Variants in RUNX1T1 observed in about 807,000 individuals in gnomAD.
RUNX1T1 encodes protein CBFA2T1.
In RUNX1T1, 4 loss-of-function variants were observed where a neutral mutation model predicts 62.8. The observed-to-expected ratio is 0.06, with a 90% CI of 0.03 to 0.15. The LOEUF (loss-of-function observed/expected upper bound fraction) is 0.15. RUNX1T1 is among the 10% of genes least tolerant of loss of function. The pLI, the probability that RUNX1T1 is intolerant of heterozygous loss-of-function variation, is 1.00. For synonymous variants in RUNX1T1, 291 were observed against 286.0 expected, an observed-to-expected ratio of 1.02 and a Z score of -0.18; for missense variants, 508 against 754.3, an observed-to-expected ratio of 0.67 and a Z score of 3.82.
At chr8:91,991,952 A>C in intron 5 of RUNX1T1, 63 bp from the exon 7 acceptor site, 1 of 1,549,372 alleles carries the variant, frequency 6.5e-7, no homozygotes, top group South Asian at 1.1e-5. Context: ...CAGTTCAGTC[A>C]CTCATATTTG....
rs560994337 is a variant in RUNX1T1, at chr8:92,013,962, T to C, written c.387+617A>G. ...TGGAGATGGACAGTGGTGGTGGCTA[T>C]ACAGCAATGTGAATATACATAATGC... is the stretch of plus-strand genomic sequence containing the variant. On this transcript the variant is annotated intron_variant, in intron 3 of 10. Transcript: ENST00000396218. Among the ~76,000 whole-genome samples, 3 of 152,292 alleles carry C rather than the reference T, an allele frequency of 2.0e-5. No homozygotes were observed. The South Asian group carries it at 6.2e-4, about 32-fold the overall frequency.
exon 11 of RUNX1T1, chr8:91,959,488 GTATA>G (rs60438153): frequency 0.031 from 2,625 of 85,620 alleles, 32 homozygotes; most frequent in East Asian, 0.12. Context: ...GTGTGTGTGT[GTATA>G]TATATATATA....
At chr8:91,991,962 G>A (rs1817765966) in intron 5 of RUNX1T1, 73 bp from the exon 7 acceptor site, 1 of 1,505,376 alleles carries the variant, frequency 6.6e-7, no homozygotes, top group East Asian at 2.3e-5. Flanking sequence ...ACTCATATTT[G>A]AGCTTGGAAT....
intron 1 of RUNX1T1, among the ~76,000 whole-genome samples, chr8:92,098,233 AT>A (rs1837877361): frequency 6.6e-6 from 1 of 152,208 alleles, no homozygotes; most frequent in Admixed American, 6.5e-5. Flanking sequence ...TGTAATTCTT[AT>A]GTTAATTATG....
chr8:91,986,753 C>T lies in RUNX1T1; in HGVS notation c.996+134G>A, dbSNP rs1029964581. On this transcript the variant is annotated intron_variant, in intron 7 of 10. Coordinates refer to ENST00000396218, the Ensembl canonical transcript of RUNX1T1. Reference sequence around the variant, plus strand: ...TCCTATATTCTACTTCAGATATTCTCGCTCATTTTTTTTTCAAGGATAGCA... The same window carrying T: ...TCCTATATTCTACTTCAGATATTCTTGCTCATTTTTTTTTCAAGGATAGCA... 5.0e-4 allele frequency: 332 copies of T among 659,950 alleles called. 3 individuals are homozygous for T. The South Asian group carries it at 5.6e-3, about 11-fold the overall frequency. The allele number at this position is 659,950 out of a possible 1,614,324, so 40.9% of individuals were successfully genotyped here.
At chr8:91,975,485 G>GT (rs753923268) in intron 9 of RUNX1T1, among the ~76,000 whole-genome samples, 2,395 of 135,034 alleles carry the variant, frequency 0.018, 28 homozygotes, top group African/African-American at 0.037. Flanking sequence ...TGTTGGTTTC[G>GT]TTTTTTTTTT....
At chr8:91,963,609 G>A (rs970847534) in intron 10 of RUNX1T1, among the ~76,000 whole-genome samples, 5 of 152,124 alleles carry the variant, frequency 3.3e-5, no homozygotes, top group Non-Finnish European at 5.9e-5. Context: ...TGGAAACAGC[G>A]GAAGGTGCAG....
At chr8:92,037,071 C>T (rs184312192) in intron 1 of RUNX1T1, among the ~76,000 whole-genome samples, 26 of 152,304 alleles carry the variant, frequency 1.7e-4, no homozygotes, top group Admixed American at 4.6e-4. Flanking sequence ...TACCTACACC[C>T]TCATCGCCTC....
chr8:92,056,810 G>A (rs1218665536), intron 1 of RUNX1T1, among the ~76,000 whole-genome samples: 3 of 152,200 alleles, frequency 2.0e-5, no homozygotes, highest in South Asian at 4.2e-4. Flanking sequence ...CTGCCAAGGT[G>A]TTGAATATAT....
downstream of RUNX1T1, chr8:91,956,009 G>A (rs999637603): frequency 2.2e-5 from 5 of 230,386 alleles, no homozygotes; most frequent in Non-Finnish European, 4.3e-5. Context: ...GAGGGGACAA[G>A]GCAGATAGAG....
At chr8:92,028,605 T>A (rs1332981715) in intron 1 of RUNX1T1, among the ~76,000 whole-genome samples, 1 of 152,216 alleles carries the variant, frequency 6.6e-6, no homozygotes, top group Non-Finnish European at 1.5e-5. Flanking sequence ...TACACCCTGG[T>A]GTTCTATTTA....
intron 6 of RUNX1T1, among the ~76,000 whole-genome samples, chr8:91,987,196 C>T (rs1007508952): frequency 1.8e-4 from 27 of 152,088 alleles, no homozygotes; most frequent in Admixed American, 1.8e-3. Flanking sequence ...TGGTCAGAAG[C>T]CTTTATTTTA....
intron 4 of RUNX1T1, among the ~76,000 whole-genome samples, chr8:92,007,835 G>C (rs1213209128): frequency 6.6e-6 from 1 of 151,992 alleles, no homozygotes; most frequent in Non-Finnish European, 1.5e-5. Context: ...TGGATGCAGT[G>C]GCCCATGCCT....
intron 1 of RUNX1T1, among the ~76,000 whole-genome samples, chr8:92,083,050 CCATATA>C (rs1393062612): frequency 6.6e-6 from 1 of 152,098 alleles, no homozygotes; most frequent in African/African-American, 2.4e-5. Flanking sequence ...ATAAAAATGT[CCATATA>C]CATAAAATTT....
At chr8:92,004,258 A>C (rs1668264104) in intron 5 of RUNX1T1, among the ~76,000 whole-genome samples, 1 of 152,244 alleles carries the variant, frequency 6.6e-6, no homozygotes, top group Non-Finnish European at 1.5e-5. Context: ...GAAAGAAAGC[A>C]AAGTATATGC....
intron 10 of RUNX1T1, among the ~76,000 whole-genome samples, chr8:91,969,541 A>G (rs1812339553): frequency 1.3e-5 from 2 of 152,218 alleles, no homozygotes; most frequent in African/African-American, 4.8e-5. Flanking sequence ...ATAAAACTGA[A>G]TTTATGTCTA....
chr8:92,061,463 G>A (rs1832021893), intron 1 of RUNX1T1, among the ~76,000 whole-genome samples: 1 of 152,106 alleles, frequency 6.6e-6, no homozygotes, highest in South Asian at 2.1e-4. Context: ...TTTGTAAATT[G>A]ATTTTCCCCA....
intron 1 of RUNX1T1, chr8:92,095,260 A>C: frequency 5.9e-6 from 9 of 1,520,284 alleles, no homozygotes; most frequent in Non-Finnish European, 7.9e-6. Context: ...AGAGGGAGAG[A>C]GAAAAGCCGC....
chr8:92,021,774 C>T (rs925852360), intron 1 of RUNX1T1, among the ~76,000 whole-genome samples: 1 of 151,914 alleles, frequency 6.6e-6, no homozygotes, highest in Non-Finnish European at 1.5e-5. Context: ...CAGGTGTGAG[C>T]TTCATTCTCT....
Sources: gnomAD v4.1 joint callset for allele counts (sites outside exome capture counted in the v4.1 genomes callset) on GRCh38, gnomAD v4.1.1 for gene constraint, MANE v1.5 for transcripts, NCBI Gene and HGNC (gene_info 2026-07-23, HGNC 2026-07-21) for gene names.